The following SLX4IP variants were observed in gnomAD, a reference collection of about 807,000 sequenced individuals.
The protein encoded by SLX4IP is SLX4 interacting protein.
A neutral mutation model predicts 32.9 loss-of-function variants in SLX4IP; 34 were observed. The ratio of observed to expected loss-of-function variants is 1.03; its 90% confidence interval spans 0.79 to 1.38. The LOEUF (loss-of-function observed/expected upper bound fraction) is 1.38, where lower values mean the gene tolerates loss of function less well. SLX4IP is among the 40% of genes most tolerant of loss of function. The pLI, the probability that SLX4IP is intolerant of heterozygous loss-of-function variation, is 0.00. For synonymous variants in SLX4IP, 172 were observed against 171.7 expected (o/e 1.00, Z -0.01); for missense variants, 444 against 479.0 (o/e 0.93, Z 0.68).
chr20:10,514,445 G>GC (rs1230743023), intron 2 of SLX4IP, among the ~76,000 whole-genome samples: 9 of 152,200 alleles, frequency 5.9e-5, no homozygotes, highest in South Asian at 4.2e-4. Context: ...TGACATTAGG[G>GC]CACCAAGTGC....
rs192472398 is a variant in SLX4IP, at chr20:10,546,510, T to C, written c.28-9721T>C. On this transcript the variant is annotated intron_variant, in intron 2 of 7. Coordinates refer to ENST00000334534, the MANE Select transcript of SLX4IP (RefSeq NM_001009608.3). The stretch of plus-strand genomic sequence containing the variant: ...AGTTCAGAATTCATTTGAAAGTCTT[T>C]GGAATTTAAGACAAATTCTACCTTT... Among the ~76,000 whole-genome samples, 59 of 152,348 alleles carry C rather than the reference T, an allele frequency of 3.9e-4. No homozygotes were observed. The East Asian group carries it at 8.3e-3, about 21-fold the overall frequency.
At chr20:10,550,337 C>T (rs935958522) in intron 2 of SLX4IP, among the ~76,000 whole-genome samples, 5 of 152,158 alleles carry the variant, frequency 3.3e-5, no homozygotes, top group African/African-American at 7.2e-5. Context: ...GGCTTCTCAG[C>T]GACAGACCCA....
At chr20:10,504,174 G>A (rs2065740664) in intron 2 of SLX4IP, among the ~76,000 whole-genome samples, 1 of 152,128 alleles carries the variant, frequency 6.6e-6, no homozygotes. Flanking sequence ...AAATACTGTT[G>A]TCCTCACTGA....
rs975013715 is a variant in SLX4IP at position 10,583,400 on chromosome 20, G to A, written c.239-15275G>A. Among the ~76,000 whole-genome samples the A allele has an allele frequency of 5.9e-5, 9 of 152,084 alleles. 1 individual carries two copies. Among genetic ancestry groups the A allele is most frequent in the Admixed American group, 2.6e-4 (4 of 15,270 alleles). On this transcript the variant is annotated intron_variant, in intron 4 of 7. Transcript: ENST00000334534. ...GTTGGTGTACACATTCATTGCACTC[G>A]GTTGATTATCTTTATCATAGAAGAA...
intron 2 of SLX4IP, among the ~76,000 whole-genome samples, chr20:10,477,361 G>A (rs1249344599): frequency 6.6e-6 from 1 of 152,140 alleles, no homozygotes; most frequent in Admixed American, 6.5e-5. Flanking sequence ...GGTCAGGCTG[G>A]TCTCAAACTC....
chr20:10,622,299 C>T (rs968492532), intron 7 of SLX4IP, among the ~76,000 whole-genome samples: 1 of 138,930 alleles, frequency 7.2e-6, no homozygotes, highest in Non-Finnish European at 1.6e-5. Flanking sequence ...TTTGTGTACA[C>T]AGAGCCTGAG....
chr20:10,508,393 G>A (rs1444233087), intron 2 of SLX4IP, among the ~76,000 whole-genome samples: 1 of 152,216 alleles, frequency 6.6e-6, no homozygotes, highest in Non-Finnish European at 1.5e-5. Flanking sequence ...TTCAGCAAAT[G>A]AGCTGCTCAA....
chr20:10,571,607 C>G (rs563713441), intron 4 of SLX4IP, among the ~76,000 whole-genome samples: 3 of 152,344 alleles, frequency 2.0e-5, no homozygotes, highest in African/African-American at 7.2e-5. Flanking sequence ...CCTGCTCACC[C>G]TCTGGTGTAG....
At chr20:10,581,737 G>A (rs2066588396) in intron 4 of SLX4IP, among the ~76,000 whole-genome samples, 1 of 152,100 alleles carries the variant, frequency 6.6e-6, no homozygotes, top group Non-Finnish European at 1.5e-5. Flanking sequence ...GCAACATAGT[G>A]ATACCCCATC....
At chr20:10,591,111 T>C (rs1316724757) in intron 4 of SLX4IP, among the ~76,000 whole-genome samples, 2 of 152,188 alleles carry the variant, frequency 1.3e-5, no homozygotes, top group Admixed American at 6.5e-5. Context: ...TCTCCAGTTT[T>C]CCAGTCAGAA....
intron 2 of SLX4IP, among the ~76,000 whole-genome samples, chr20:10,527,686 C>A (rs1419933051): frequency 1.3e-5 from 2 of 152,046 alleles, no homozygotes; most frequent in Non-Finnish European, 2.9e-5. Context: ...TTGGATTCAT[C>A]TAATAAGGAA....
At chr20:10,602,240 T>A (rs1183969789) in intron 6 of SLX4IP, among the ~76,000 whole-genome samples, 3 of 152,226 alleles carry the variant, frequency 2.0e-5, no homozygotes, top group African/African-American at 4.8e-5. Context: ...GAACCAGTAC[T>A]TTTCCCCAGT....
intron 2 of SLX4IP, among the ~76,000 whole-genome samples, chr20:10,555,361 C>G (rs1188753586): frequency 6.6e-6 from 1 of 152,008 alleles, no homozygotes; most frequent in Non-Finnish European, 1.5e-5. Flanking sequence ...GAAATTACTT[C>G]ACTCATATGT....
At position 10,455,590 on chromosome 20, in the gene SLX4IP, T is replaced by TATTTA. The variant is rs2065278260; in HGVS notation, c.-29-2585_-29-2581dup. Among the ~76,000 whole-genome samples, 3 of 39,098 alleles carry TATTTA rather than the reference T, an allele frequency of 7.7e-5. No homozygotes were observed. In the South Asian group the frequency reaches 1.8e-3, roughly 24 times the overall value. 25.6% of individuals were successfully genotyped at this position (39,098 alleles called of 152,430 possible). On this transcript the variant is annotated intron_variant, in intron 1 of 7. Transcript: ENST00000334534. The stretch of plus-strand genomic sequence containing the variant: ...TTGACCTGTATGTCTTTTATTTATT[T>TATTTA]ATTTATTTATTTATTTATTTATTTA...
chr20:10,554,972 A>G (rs528559716), intron 2 of SLX4IP, among the ~76,000 whole-genome samples: 4 of 152,002 alleles, frequency 2.6e-5, no homozygotes, highest in South Asian at 2.1e-4. Flanking sequence ...TTTTACAACT[A>G]TTTTTCTCAA....
chr20:10,571,648 C>A (rs1169928048), intron 4 of SLX4IP, among the ~76,000 whole-genome samples: 1 of 152,214 alleles, frequency 6.6e-6, no homozygotes, highest in Non-Finnish European at 1.5e-5. Flanking sequence ...GCTTCCCTGC[C>A]TCACAGATAG....
chr20:10,495,388 A>T (rs1404678473), intron 2 of SLX4IP, among the ~76,000 whole-genome samples: 1 of 152,094 alleles, frequency 6.6e-6, no homozygotes, highest in African/African-American at 2.4e-5. Flanking sequence ...CATTGTTGGA[A>T]ATTTGTTGAG....
intron 4 of SLX4IP, among the ~76,000 whole-genome samples, chr20:10,566,529 C>T (rs532066035): frequency 1.2e-4 from 18 of 152,118 alleles, no homozygotes; most frequent in East Asian, 9.7e-4. Flanking sequence ...GAGGTGGTCA[C>T]CTCGCTTTTC....
intron 2 of SLX4IP, among the ~76,000 whole-genome samples, chr20:10,464,911 T>C (rs1242596168): frequency 6.6e-6 from 1 of 152,186 alleles, no homozygotes; most frequent in Admixed American, 6.5e-5. Flanking sequence ...CGACTTGGCC[T>C]CCTACGTAGC....
Sources: gnomAD v4.1 joint callset for allele counts (sites outside exome capture counted in the v4.1 genomes callset) on GRCh38, gnomAD v4.1.1 for gene constraint, MANE v1.5 for transcripts, NCBI Gene and HGNC (gene_info 2026-07-23, HGNC 2026-07-21) for gene names.